Variants in MYH15 observed in about 807,000 individuals in gnomAD.
MYH15 encodes the protein myosin heavy chain 15.
In MYH15, 227 loss-of-function variants were observed where a neutral mutation model predicts 240.5. The observed-to-expected ratio is 0.94, with a 90% CI of 0.85 to 1.05. The LOEUF is 1.05. Among genes scored for constraint, MYH15 ranks in the 50% least tolerant of loss-of-function variants. The pLI is 0.00. For synonymous variants in MYH15, 785 were observed against 796.7 expected, an observed-to-expected ratio of 0.99 and a Z score of 0.25; for missense variants, 2,217 against 2,247.5, an observed-to-expected ratio of 0.99 and a Z score of 0.27.
chr3:108,507,273 AT>A (rs2083485993), intron 1 of MYH15, among the ~76,000 whole-genome samples: 1 of 135,204 alleles, frequency 7.4e-6, no homozygotes, highest in Non-Finnish European at 1.6e-5. Flanking sequence ...ATATATATAT[AT>A]ATACACATAT....
At chr3:108,398,447 G>A (rs2082478752) in intron 35 of MYH15, among the ~76,000 whole-genome samples, 190 bp downstream of exon 35, 1 of 152,202 alleles carries the variant, frequency 6.6e-6, no homozygotes, top group South Asian at 2.1e-4. Flanking sequence ...CCTGTTTGTG[G>A]TACTTTGTTA....
chr3:108,548,141 T>C, the MYH15 span, among the ~76,000 whole-genome samples: 2 of 152,178 alleles, frequency 1.3e-5, no homozygotes, highest in Non-Finnish European at 2.9e-5. Context: ...TTCTACATTT[T>C]AAGTTAAGTG....
At chr3:108,402,429 G>A (rs2082512779) in intron 33 of MYH15, among the ~76,000 whole-genome samples, 1 of 152,210 alleles carries the variant, frequency 6.6e-6, no homozygotes, top group Non-Finnish European at 1.5e-5. Flanking sequence ...AAAACTATGG[G>A]CTGTGGGCCA....
At chr3:108,547,621 CAA>C in the MYH15 span, among the ~76,000 whole-genome samples, 1 of 151,748 alleles carries the variant, frequency 6.6e-6, no homozygotes, top group Non-Finnish European at 1.5e-5. Context: ...TAAGAATATG[CAA>C]AAAAAGTAAA....
intron 26 of MYH15, 49 bp from the exon 27 acceptor site, chr3:108,428,930 C>T: frequency 6.6e-7 from 1 of 1,507,366 alleles, no homozygotes; most frequent in Non-Finnish European, 8.9e-7. Flanking sequence ...GTAGCAAGAG[C>T]TTTACTCTAT....
At chr3:108,476,593 T>C (rs2083223576) in intron 11 of MYH15, 78 bp from the exon 12 acceptor site, 3 of 898,708 alleles carry the variant, frequency 3.3e-6, no homozygotes, top group Non-Finnish European at 5.5e-6. Flanking sequence ...CCAAACTAAC[T>C]ACCCAGAGGA....
intron 21 of MYH15, among the ~76,000 whole-genome samples, chr3:108,448,266 TACTTTA>T (rs2082944703): frequency 6.6e-6 from 1 of 152,062 alleles, no homozygotes; most frequent in African/African-American, 2.4e-5. Context: ...TATTAATAAT[TACTTTA>T]AATATAAATG....
At chr3:108,542,679 A>C in the MYH15 span, among the ~76,000 whole-genome samples, 3 of 152,080 alleles carry the variant, frequency 2.0e-5, no homozygotes, top group African/African-American at 4.8e-5. Flanking sequence ...CCTATTAGCT[A>C]TTCTTCCTGA....
At chr3:108,532,216 T>A (rs2083716101), upstream of MYH15, among the ~76,000 whole-genome samples, 1 of 152,168 alleles carries the variant, frequency 6.6e-6, no homozygotes. Flanking sequence ...CAAACATTAT[T>A]CTCGGTGTGT....
chr3:108,471,260 T>C (rs963815200), intron 12 of MYH15, among the ~76,000 whole-genome samples: 4 of 152,234 alleles, frequency 2.6e-5, no homozygotes, highest in Middle Eastern at 6.8e-3. Flanking sequence ...GGGTATGGTG[T>C]GGTGATGTGT....
At chr3:108,433,364 A>C (rs1210106681) in intron 25 of MYH15, among the ~76,000 whole-genome samples, 1 of 152,226 alleles carries the variant, frequency 6.6e-6, no homozygotes, top group Non-Finnish European at 1.5e-5. Flanking sequence ...TATTAGGCAG[A>C]AGGGACTTGC....
At chr3:108,544,721 T>C in the MYH15 span, among the ~76,000 whole-genome samples, 1 of 152,180 alleles carries the variant, frequency 6.6e-6, no homozygotes, top group Non-Finnish European at 1.5e-5. Flanking sequence ...TTCCCAAGAT[T>C]CTTGTAACCC....
intron 1 of MYH15, among the ~76,000 whole-genome samples, chr3:108,517,097 C>G (rs553283282): frequency 3.9e-5 from 6 of 152,194 alleles, no homozygotes; most frequent in Admixed American, 2.6e-4. Flanking sequence ...TCTTCCTTTT[C>G]TTCTCTTTCC....
At chr3:108,532,655 T>A (rs2083719878), upstream of MYH15, among the ~76,000 whole-genome samples, 1 of 152,222 alleles carries the variant, frequency 6.6e-6, no homozygotes, top group Non-Finnish European at 1.5e-5. Context: ...CAACACACCC[T>A]ATTGGTTCTG....
intron 33 of MYH15, among the ~76,000 whole-genome samples, chr3:108,399,606 T>C (rs923964865): frequency 2.6e-5 from 4 of 152,320 alleles, no homozygotes; most frequent in African/African-American, 9.6e-5. Flanking sequence ...GCACCTGGGT[T>C]TCCTGTGGTG....
chr3:108,493,273 A>C, intron 7 of MYH15, 96 bp from the exon 8 acceptor site: 1 of 795,510 alleles, frequency 1.3e-6, no homozygotes, highest in Non-Finnish European at 2.1e-6. Context: ...TAACTCTCAA[A>C]AGGACTACTT....
the MYH15 span, among the ~76,000 whole-genome samples, chr3:108,547,442 T>C: frequency 2.0e-5 from 3 of 152,172 alleles, no homozygotes; most frequent in Non-Finnish European, 4.4e-5. Flanking sequence ...GGTAAAGTGA[T>C]GATCCAAATG....
chr3:108,505,556 C>T (rs1203717784), intron 2 of MYH15, among the ~76,000 whole-genome samples, 167 bp downstream of exon 2: 1 of 152,154 alleles, frequency 6.6e-6, no homozygotes, highest in East Asian at 1.9e-4. Context: ...AGGCATGAGC[C>T]ATTGTGCCCA....
upstream of MYH15, among the ~76,000 whole-genome samples, chr3:108,514,778 T>C (rs1021647502): frequency 5.3e-5 from 8 of 152,120 alleles, no homozygotes; most frequent in Non-Finnish European, 1.2e-4. Flanking sequence ...AGTTATGTTT[T>C]CTTAAGATGA....
Sources: gnomAD v4.1 joint callset for allele counts (sites outside exome capture counted in the v4.1 genomes callset) on GRCh38, gnomAD v4.1.1 for gene constraint, MANE v1.5 for transcripts, NCBI Gene and HGNC (gene_info 2026-07-23, HGNC 2026-07-21) for gene names.